Variants in CDH4 observed in about 807,000 individuals in gnomAD.
CDH4 encodes the protein cadherin 4.
CDH4 carries 33 observed loss-of-function variants against 86.0 expected under a neutral mutation model. The observed-to-expected ratio is 0.38, with a 90% confidence interval of 0.29 to 0.51. The LOEUF (loss-of-function observed/expected upper bound fraction) is 0.51, where lower values mean the gene tolerates loss of function less well. Among genes scored for constraint, CDH4 ranks in the 20% least tolerant of loss-of-function variants. CDH4 has a pLI of 0.86. For missense variants in CDH4, 1,114 were observed against 1,307.4 expected (o/e 0.85, Z 2.28); for synonymous variants, 555 against 549.4 (o/e 1.01, Z -0.14).
At chr20:61,457,162 C>G (rs532042135) in intron 2 of CDH4, among the ~76,000 whole-genome samples, 1 of 152,122 alleles carries the variant, frequency 6.6e-6, no homozygotes. Context: ...GCTATCACCA[C>G]GGGGGCCCTT....
At chr20:61,537,656 C>G (rs960134852) in intron 2 of CDH4, among the ~76,000 whole-genome samples, 17 of 152,216 alleles carry the variant, frequency 1.1e-4, no homozygotes, top group African/African-American at 4.1e-4. Context: ...CACTGCCCTC[C>G]CCACTCACGA....
intron 2 of CDH4, among the ~76,000 whole-genome samples, chr20:61,316,768 T>G (rs2427072): frequency 0.25 from 38,417 of 152,098 alleles, 5,656 homozygotes; most frequent in African/African-American, 0.41. Context: ...GCTTTTCGGG[T>G]GAGGGGAGTT....
intron 4 of CDH4, among the ~76,000 whole-genome samples, chr20:61,839,270 C>T (rs1463924184): frequency 1.3e-5 from 2 of 152,084 alleles, no homozygotes; most frequent in Non-Finnish European, 2.9e-5. Context: ...GAAAGGATAT[C>T]CCGCCGGGTG....
At chr20:61,282,894 C>T (rs563217847) in intron 2 of CDH4, among the ~76,000 whole-genome samples, 5 of 152,208 alleles carry the variant, frequency 3.3e-5, no homozygotes, top group African/African-American at 7.2e-5. Context: ...TGCATTTGCA[C>T]GCGTGTGCTG....
At chr20:61,539,772 C>T (rs1016316157) in intron 2 of CDH4, among the ~76,000 whole-genome samples, 33 of 152,242 alleles carry the variant, frequency 2.2e-4, no homozygotes, top group African/African-American at 7.0e-4. Flanking sequence ...CGAGAGGGAG[C>T]AGAGCAGGGA....
chr20:61,698,622 G>A (rs1434221904), intron 2 of CDH4, among the ~76,000 whole-genome samples: 2 of 152,246 alleles, frequency 1.3e-5, no homozygotes, highest in Non-Finnish European at 1.5e-5. Context: ...GGGTCTAGGA[G>A]AATACGCTAG....
chr20:61,445,899 T>A (rs1268410762), intron 2 of CDH4, among the ~76,000 whole-genome samples: 1 of 152,244 alleles, frequency 6.6e-6, no homozygotes, highest in Admixed American at 6.5e-5. Context: ...AAGGAGGCCA[T>A]CTGTGGGCCA....
intron 4 of CDH4, among the ~76,000 whole-genome samples, chr20:61,828,866 A>G (rs944684850): frequency 1.3e-5 from 2 of 152,160 alleles, no homozygotes; most frequent in Admixed American, 1.3e-4. Flanking sequence ...CTGGAAGACA[A>G]TTTTCCCATG....
intron 2 of CDH4, among the ~76,000 whole-genome samples, chr20:61,463,500 A>G (rs1019439527): frequency 1.3e-5 from 2 of 152,218 alleles, no homozygotes; most frequent in African/African-American, 4.8e-5. Flanking sequence ...AATCCTGGGA[A>G]TCAGGATCTG....
intron 4 of CDH4, among the ~76,000 whole-genome samples, chr20:61,791,632 C>T (rs185376725): frequency 7.2e-5 from 11 of 152,222 alleles, no homozygotes; most frequent in African/African-American, 1.2e-4. Context: ...TGTTAGAACA[C>T]GGAAGGAACC....
chr20:61,669,384 A>C (rs2087362225), intron 2 of CDH4, among the ~76,000 whole-genome samples: 1 of 152,172 alleles, frequency 6.6e-6, no homozygotes, highest in Non-Finnish European at 1.5e-5. Context: ...AGCCTGGAGG[A>C]GGGCCCAGGC....
At chr20:61,864,374 C>T (rs1983454233) in intron 6 of CDH4, among the ~76,000 whole-genome samples, 1 of 152,194 alleles carries the variant, frequency 6.6e-6, no homozygotes, top group Non-Finnish European at 1.5e-5. Context: ...CCTGGGGAAC[C>T]CCCTGGTTTC....
chr20:61,578,715 G>A (rs2086403175), intron 2 of CDH4, among the ~76,000 whole-genome samples: 1 of 152,144 alleles, frequency 6.6e-6, no homozygotes, highest in Non-Finnish European at 1.5e-5. Context: ...GGCTGTGAGT[G>A]ACACCAAACA....
In CDH4 at chr20:61,879,396, C is replaced by G. The variant is rs556336820; in HGVS notation, c.1050+5496C>G. ...CCTCCCCCTTTAAAAAGATTCATCT[C>G]CCCTGCCCTTGGGCAACAAGCAGAG... On this transcript the variant is annotated intron_variant, in intron 7 of 15. Coordinates refer to ENST00000614565, the MANE Select transcript of CDH4 (RefSeq NM_001794.5). This position sits in a 1 kb window ranked among gnomAD's most constrained non-coding sequence, Gnocchi z 4.1. Among the ~76,000 whole-genome samples the G allele has an allele frequency of 6.6e-6, 1 of 152,226 alleles. No homozygotes were observed. Among genetic ancestry groups the G allele is most frequent in the African/African-American group, 2.4e-5 (1 of 41,466 alleles).
intron 2 of CDH4, among the ~76,000 whole-genome samples, chr20:61,645,363 A>G (rs2087050693): frequency 6.6e-6 from 1 of 152,224 alleles, no homozygotes; most frequent in African/African-American, 2.4e-5. Flanking sequence ...GCAGCTGCTC[A>G]CACCTATAAT....
chr20:61,691,638 C>T (rs1479733446), intron 2 of CDH4, among the ~76,000 whole-genome samples: 11 of 152,340 alleles, frequency 7.2e-5, no homozygotes, highest in Non-Finnish European at 1.6e-4. Context: ...CTGCACCCCT[C>T]GGCTTCATGG....
At chr20:61,706,094 C>A (rs899375184) in intron 2 of CDH4, among the ~76,000 whole-genome samples, 1 of 152,334 alleles carries the variant, frequency 6.6e-6, no homozygotes, top group Non-Finnish European at 1.5e-5. Context: ...TGGCTTTAGC[C>A]CATGAAACTG....
chr20:61,922,910 C>T (rs574046727), intron 9 of CDH4, among the ~76,000 whole-genome samples: 5 of 152,338 alleles, frequency 3.3e-5, no homozygotes, highest in Admixed American at 6.5e-5. Flanking sequence ...CGTGCATGAC[C>T]GCACCCAGCC....
chr20:61,424,156 ATATCCACACATATG>A (rs2085197299), intron 2 of CDH4, among the ~76,000 whole-genome samples: 1 of 151,456 alleles, frequency 6.6e-6, no homozygotes, highest in Admixed American at 6.6e-5. Context: ...GTATACACAC[ATATCCACACATATG>A]TATCCACACA....
Sources: gnomAD v4.1 joint callset for allele counts (sites outside exome capture counted in the v4.1 genomes callset) on GRCh38, gnomAD v4.1.1 for gene constraint, Gnocchi (gnomAD v3.1) non-coding constraint, MANE v1.5 for transcripts, NCBI Gene and HGNC (gene_info 2026-07-23, HGNC 2026-07-21) for gene names.